USP9Y: variants seen among roughly 807,000 people sequenced by gnomAD.
USP9Y encodes the protein ubiquitin carboxyl-terminal hydrolase 9Y.
Under a neutral mutation model 53.1 loss-of-function variants are expected in USP9Y, and 41 were observed. The observed-to-expected ratio is 0.77, with a 90% CI of 0.60 to 1.00. The LOEUF (loss-of-function observed/expected upper bound fraction) is 1.00, where lower values mean the gene tolerates loss of function less well. Among genes scored for constraint, USP9Y ranks in the 50% least tolerant of loss-of-function variants. The pLI, the probability that USP9Y is intolerant of heterozygous loss-of-function variation, is 0.00. For synonymous variants in USP9Y, 220 were observed against 173.7 expected (o/e 1.27, Z -2.09); for missense variants, 567 against 535.8 (o/e 1.06, Z -0.58).
Position 12,791,444 on chromosome Y carries a change from AT to A in USP9Y, c.3688-53del. On this transcript the variant is annotated intron_variant, in intron 25 of 45. Transcript: ENST00000338981. The stretch of plus-strand genomic sequence containing the variant: ...CTAAGAGAAATATTTTGTTTTCCTG[AT>A]TATTCACTTTAATGTTCTGCCAGCA... 2.2e-5 allele frequency: 8 copies of A among 362,895 alleles called. No homozygotes were observed. The South Asian group carries it at 2.3e-4, about 10-fold the overall frequency. The allele number at this position is 362,895 out of a possible 400,897, so 90.5% of individuals were successfully genotyped here. A position where few individuals can be genotyped will look rare whatever the true frequency, so the allele number is the denominator to read the frequency against.
chrY:12,707,273 A>G, intron 1 of USP9Y, among the ~76,000 whole-genome samples: 2 of 33,130 alleles, frequency 6.0e-5, no homozygotes, highest in Non-Finnish European at 1.5e-4. Flanking sequence ...ATGCGCCACC[A>G]TGCCCAGCTA....
intron 26 of USP9Y, among the ~76,000 whole-genome samples, chrY:12,792,274 C>CT (rs2053509153): frequency 2.9e-5 from 1 of 34,129 alleles, no homozygotes; most frequent in Non-Finnish European, 7.3e-5. Context: ...GAGCAAGACT[C>CT]TGTCTCAATC....
chrY:12,836,898 A>G (rs768631135), intron 34 of USP9Y, among the ~76,000 whole-genome samples: 12 of 32,160 alleles, frequency 3.7e-4, no homozygotes, highest in African/African-American at 1.5e-3. Context: ...TAGAGATGGG[A>G]TTTCACCATG....
At chrY:12,859,151 C>CTT in intron 45 of USP9Y, 128 bp from the exon 46 acceptor site, 1 of 168,767 alleles carries the variant, frequency 5.9e-6, no homozygotes, top group Non-Finnish European at 9.7e-6. Context: ...ATTGTAAGTT[C>CTT]TTTTTTTTTT....
intron 27 of USP9Y, among the ~76,000 whole-genome samples, chrY:12,808,448 C>A: frequency 3.0e-5 from 1 of 33,641 alleles, no homozygotes; most frequent in Non-Finnish European, 7.4e-5. Context: ...TCAGCTGTGC[C>A]TGGGAGGTGG....
chrY:12,754,206 C>CGT (rs371528539), intron 12 of USP9Y, among the ~76,000 whole-genome samples: 160 of 25,352 alleles, frequency 6.3e-3, no homozygotes, highest in Middle Eastern at 0.019. Context: ...ATACATGTTG[C>CGT]GTGTGTGTGT....
chrY:12,758,558 G>T lies in USP9Y; in HGVS notation c.1682G>T (p.Arg561Leu). 2.6e-6 allele frequency: 1 copy of T among 386,673 alleles called. No individual in the cohort carries two copies. Among genetic ancestry groups the T allele is most frequent in the Non-Finnish European group, 3.6e-6 (1 of 275,221 alleles). Residue 561 changes from arginine (R) to leucine (L), a missense_variant, in exon 14 of 46, where the codon CGC (arginine) becomes CTC (leucine). Transcript: ENST00000338981. Reference sequence around the variant, plus strand: ...ATAGATCACTTTATAGAAGAACTTCGCACAAATGACAAGTGGGTAATTCCT... The same window carrying T: ...ATAGATCACTTTATAGAAGAACTTCTCACAAATGACAAGTGGGTAATTCCT... ...QWIDHFIEEL[R>L]TNDKWVIPAL...
intron 25 of USP9Y, among the ~76,000 whole-genome samples, chrY:12,790,853 G>A (rs2053507354): frequency 3.0e-5 from 1 of 33,420 alleles, no homozygotes; most frequent in Non-Finnish European, 7.4e-5. Context: ...AATGGCTCCA[G>A]AAGTTTTCTT....
Position 12,832,063 on chromosome Y carries a change from A to G in USP9Y, c.5022-1625A>G, listed in dbSNP as rs768335987. Among the ~76,000 whole-genome samples, 3 of 33,483 alleles carry G rather than the reference A, an allele frequency of 9.0e-5. No homozygotes were observed. The South Asian group carries it at 2.0e-3, about 22-fold the overall frequency. The allele number at this position is 33,483 out of a possible 37,273, so 89.8% of individuals were successfully genotyped here. Reference sequence around the variant, plus strand: ...CCAAGTACAAAAACACAAATTCTGTATGATCCCACTTACATGAGGTTGTAT... The same window carrying G: ...CCAAGTACAAAAACACAAATTCTGTGTGATCCCACTTACATGAGGTTGTAT... On this transcript the variant is annotated intron_variant, in intron 33 of 45. Coordinates refer to ENST00000338981, the MANE Select transcript of USP9Y (RefSeq NM_004654.4).
chrY:12,821,322 G>A, intron 33 of USP9Y, among the ~76,000 whole-genome samples: 2 of 33,731 alleles, frequency 5.9e-5, no homozygotes, highest in Admixed American at 5.5e-4. Flanking sequence ...AATATGGTGT[G>A]TTTAAGGTAT....
chrY:12,824,659 G>A lies in USP9Y; in HGVS notation c.5021+6049G>A, dbSNP rs1014163933. 1.8e-4 allele frequency among the ~76,000 whole-genome samples: 6 copies of A among 33,389 alleles called. No individual in the cohort carries two copies. In the South Asian group the frequency reaches 4.0e-3, roughly 22 times the overall value. The allele number at this position is 33,389 out of a possible 37,273, so 89.6% of individuals were successfully genotyped here. On this transcript the variant is annotated intron_variant, in intron 33 of 45. Transcript: ENST00000338981. ...TAGGTACTGTAAAGCTAAATAAAAA[G>A]AACTGTACAGAAGTACTAATCTCTG...
At chrY:12,766,350 C>T (rs2053479866) in intron 15 of USP9Y, among the ~76,000 whole-genome samples, 1 of 33,383 alleles carries the variant, frequency 3.0e-5, no homozygotes, top group East Asian at 7.8e-4. Flanking sequence ...GAATTAGAGA[C>T]GTGTTTGGAG....
chrY:12,732,212 G>T, intron 7 of USP9Y, among the ~76,000 whole-genome samples: 3 of 32,696 alleles, frequency 9.2e-5, no homozygotes, highest in Non-Finnish European at 2.2e-4. Context: ...ATTCACTTTT[G>T]ACTTCTTTTT....
chrY:12,790,568 A>G, intron 25 of USP9Y, 36 bp downstream of exon 25: 1 of 375,966 alleles, frequency 2.7e-6, no homozygotes, highest in Non-Finnish European at 3.8e-6. Context: ...GGGATCTTGA[A>G]TGATCTCTAC....
chrY:12,727,135 C>G, intron 7 of USP9Y, among the ~76,000 whole-genome samples: 1 of 33,863 alleles, frequency 3.0e-5, no homozygotes, highest in Non-Finnish European at 7.3e-5. Context: ...TAAGCATGGG[C>G]TGTTCTTTGT....
chrY:12,720,568 A>G, intron 3 of USP9Y, 21 bp from the exon 4 acceptor site: 4 of 381,238 alleles, frequency 1.0e-5, no homozygotes, highest in Non-Finnish European at 1.5e-5. Flanking sequence ...TTAAATTTGG[A>G]ATATTTAATT....
At chrY:12,836,948 C>T (rs1054604045) in intron 34 of USP9Y, among the ~76,000 whole-genome samples, 1 of 32,518 alleles carries the variant, frequency 3.1e-5, no homozygotes, top group Non-Finnish European at 7.5e-5. Context: ...TGTGGCGATC[C>T]GCCTGCTTTG....
At chrY:12,757,049 A>G in intron 12 of USP9Y, 143 bp from the exon 13 acceptor site, 1 of 185,837 alleles carries the variant, frequency 5.4e-6, no homozygotes, top group Non-Finnish European at 9.5e-6. Flanking sequence ...TTGTTCAGAT[A>G]TGCTCTTGGG....
At chrY:12,792,155 G>A in intron 26 of USP9Y, among the ~76,000 whole-genome samples, 1 of 34,043 alleles carries the variant, frequency 2.9e-5, no homozygotes, top group Non-Finnish European at 7.3e-5. Context: ...ACATGGTGGC[G>A]CATGCCTGTC....
Sources: gnomAD v4.1 joint callset for allele counts (sites outside exome capture counted in the v4.1 genomes callset) on GRCh38, gnomAD v4.1.1 for gene constraint, MANE v1.5 for transcripts, NCBI Gene and HGNC (gene_info 2026-07-23, HGNC 2026-07-21) for gene names.